The following ERAP1 variants were observed in gnomAD, a reference collection of about 807,000 sequenced individuals.
The protein encoded by ERAP1 is endoplasmic reticulum aminopeptidase 1.
A neutral mutation model predicts 103.7 loss-of-function variants in ERAP1; 86 were observed. The observed-to-expected ratio is 0.83, with a 90% CI of 0.70 to 0.99. The LOEUF (loss-of-function observed/expected upper bound fraction) is 0.99. ERAP1 is among the 50% of genes least tolerant of loss of function. The pLI is 0.00. For synonymous variants in ERAP1, 398 were observed against 402.4 expected (o/e 0.99, Z 0.13); for missense variants, 1,009 against 1,128.4 (o/e 0.89, Z 1.52).
At chr5:96,857,167 C>T in the ERAP1 span, among the ~76,000 whole-genome samples, 1 of 152,230 alleles carries the variant, frequency 6.6e-6, no homozygotes, top group African/African-American at 2.4e-5. Context: ...AACTGCTTCT[C>T]ATCTTTCAGG....
chr5:96,851,477 C>T, the ERAP1 span, among the ~76,000 whole-genome samples: 1 of 152,172 alleles, frequency 6.6e-6, no homozygotes, highest in Non-Finnish European at 1.5e-5. Context: ...AGCACGGTCT[C>T]CTACTGTGTT....
At chr5:96,930,772 C>G in the ERAP1 span, among the ~76,000 whole-genome samples, 1 of 152,092 alleles carries the variant, frequency 6.6e-6, no homozygotes, top group Admixed American at 6.5e-5. Context: ...TGTTACTGAC[C>G]ACTGGTTCTT....
chr5:96,915,890 C>A, the ERAP1 span: 3 of 781,742 alleles, frequency 3.8e-6, no homozygotes, highest in African/African-American at 1.8e-5. Flanking sequence ...GTTGTTTGTC[C>A]AATGCCATAT....
chr5:96,899,027 A>AG, the ERAP1 span, among the ~76,000 whole-genome samples: 1 of 152,342 alleles, frequency 6.6e-6, no homozygotes, highest in Admixed American at 6.5e-5. Flanking sequence ...GGAGTTAAAA[A>AG]GAAAATTTGG....
the ERAP1 span, among the ~76,000 whole-genome samples, chr5:96,859,524 C>A: frequency 6.6e-6 from 1 of 151,880 alleles, no homozygotes. Context: ...AGAATTGGGG[C>A]AATCTGAGCC....
the ERAP1 span, among the ~76,000 whole-genome samples, chr5:96,912,058 C>A: frequency 6.7e-6 from 1 of 150,184 alleles, no homozygotes; most frequent in African/African-American, 2.4e-5. Flanking sequence ...GGCGCGGTGG[C>A]GGGCGCCTGT....
At chr5:96,764,922 C>T (rs1769307515) in intron 19 of ERAP1, among the ~76,000 whole-genome samples, 1 of 152,132 alleles carries the variant, frequency 6.6e-6, no homozygotes, top group Non-Finnish European at 1.5e-5. Context: ...GATATGGCTC[C>T]TGAGGCTGCC....
chr5:96,829,184 C>T, the ERAP1 span, among the ~76,000 whole-genome samples: 2 of 152,184 alleles, frequency 1.3e-5, no homozygotes, highest in African/African-American at 4.8e-5. Context: ...ACTGTGCAGT[C>T]CCCTAGGGTC....
the ERAP1 span, chr5:96,822,894 A>T: frequency 2.8e-6 from 1 of 357,324 alleles, no homozygotes; most frequent in East Asian, 7.5e-5. Context: ...CCTTAGGGTC[A>T]CATGAGGCTG....
At chr5:96,851,461 G>A in the ERAP1 span, among the ~76,000 whole-genome samples, 1 of 152,198 alleles carries the variant, frequency 6.6e-6, no homozygotes, top group African/African-American at 2.4e-5. Context: ...AGACAGATCA[G>A]CATTTAGCAC....
chr5:96,847,323 A>G, the ERAP1 span, among the ~76,000 whole-genome samples: 2 of 152,158 alleles, frequency 1.3e-5, no homozygotes, highest in South Asian at 4.1e-4. Flanking sequence ...AAATATGTAA[A>G]GCAAACATTA....
the ERAP1 span, among the ~76,000 whole-genome samples, chr5:96,832,141 A>G: frequency 6.6e-6 from 1 of 152,162 alleles, no homozygotes; most frequent in African/African-American, 2.4e-5. Flanking sequence ...TACCTAACAT[A>G]CCAATTTTAC....
chr5:96,875,765 G>A, the ERAP1 span, among the ~76,000 whole-genome samples: 1 of 152,170 alleles, frequency 6.6e-6, no homozygotes, highest in Non-Finnish European at 1.5e-5. Flanking sequence ...CCATCAGGCT[G>A]TTGGAATTAC....
the ERAP1 span, among the ~76,000 whole-genome samples, chr5:96,905,776 T>G: frequency 3.3e-5 from 5 of 152,010 alleles, no homozygotes; most frequent in Admixed American, 2.6e-4. Context: ...CCCAGCTACT[T>G]GGGTGGCTGA....
At chr5:96,924,409 A>G in the ERAP1 span, among the ~76,000 whole-genome samples, 1 of 152,194 alleles carries the variant, frequency 6.6e-6, no homozygotes. Flanking sequence ...CAGCACAAAT[A>G]TTATAGGACC....
chr5:96,840,012 C>T, the ERAP1 span, among the ~76,000 whole-genome samples: 1 of 152,160 alleles, frequency 6.6e-6, no homozygotes, highest in South Asian at 2.1e-4. Context: ...GTCTCCTCTG[C>T]TAGAATGGAA....
At chr5:96,900,180 A>T in the ERAP1 span, 1 of 1,613,822 alleles carries the variant, frequency 6.2e-7, no homozygotes, top group Non-Finnish European at 8.5e-7. Context: ...CCAAGATGAC[A>T]AGTAACATGG....
At chr5:96,882,031 C>G in the ERAP1 span, among the ~76,000 whole-genome samples, 1 of 152,174 alleles carries the variant, frequency 6.6e-6, no homozygotes, top group Non-Finnish European at 1.5e-5. Context: ...TTCCCTTCCC[C>G]ACTTGGGTGC....
chr5:96,912,777 A>C, the ERAP1 span: 3 of 1,600,482 alleles, frequency 1.9e-6, no homozygotes, highest in Non-Finnish European at 2.5e-6. Flanking sequence ...TCAACGAGCA[A>C]GCATCAGGAA....
Sources: allele counts gnomAD v4.1 joint callset (sites outside exome capture counted in the v4.1 genomes callset), GRCh38; gene constraint gnomAD v4.1.1; transcripts MANE v1.5; gene names NCBI Gene and HGNC (gene_info 2026-07-23, HGNC 2026-07-21).